The following ASMTL variants were observed in gnomAD, a reference collection of about 807,000 sequenced individuals.
The protein encoded by ASMTL is acetylserotonin O-methyltransferase like, also known as probable bifunctional dTTP/UTP pyrophosphatase/methyltransferase protein.
ASMTL carries 57 observed loss-of-function variants against 60.3 expected under a neutral mutation model. The observed-to-expected ratio is 0.95, with a 90% CI of 0.76 to 1.18. The LOEUF (loss-of-function observed/expected upper bound fraction) is 1.18, where lower values mean the gene tolerates loss of function less well. Ranked by LOEUF, ASMTL falls within the 50% of genes most tolerant of loss-of-function variation. The pLI is 0.00. For missense variants in ASMTL, 981 were observed against 852.6 expected (o/e 1.15, Z -1.88); for synonymous variants, 419 against 373.0 (o/e 1.12, Z -1.42).
At chrX:1,436,836 A>G (rs765998524) in intron 3 of ASMTL, among the ~76,000 whole-genome samples, 2 of 152,342 alleles carry the variant, frequency 1.3e-5, no homozygotes, top group South Asian at 4.1e-4. Flanking sequence ...CCTTTTGGGT[A>G]CATACAAGAG....
At chrX:1,412,884 G>A (rs368041573) in intron 11 of ASMTL, 30 bp from the exon 12 acceptor site, 137 of 1,613,098 alleles carry the variant, frequency 8.5e-5, no homozygotes, top group Admixed American at 2.7e-4. Context: ...AGATACGTCC[G>A]TCAGGTATGG....
intron 11 of ASMTL, among the ~76,000 whole-genome samples, chrX:1,416,056 C>T: frequency 6.6e-6 from 1 of 150,790 alleles, no homozygotes; most frequent in Admixed American, 6.6e-5. Context: ...CACACGCGCA[C>T]AGAGACAGAC....
At position 1,427,923 on chromosome X, in the gene ASMTL, T is replaced by C. The variant is rs775645465; in HGVS notation, c.708A>G (p.Glu236=). Residue 236 remains glutamate, a synonymous_variant, in exon 7 of 13, where the codon GAA becomes GAG. Coordinates refer to ENST00000381317, the MANE Select transcript of ASMTL (RefSeq NM_004192.4). ...CGCCCCCCTCCACGTCACTGAGGTCTTCGAAGGTGTCCGCGGCCGGGATGG... is the reference window on the plus strand; with the variant it reads ...CGCCCCCCTCCACGTCACTGAGGTCCTCGAAGGTGTCCGCGGCCGGGATGG... The part of the protein sequence containing the change: ...HDSIPAADTF[E]DLSDVEGGGS... The C allele has an allele frequency of 2.2e-5, 36 of 1,613,276 alleles. No individual in the cohort carries two copies. The Admixed American group carries it at 3.3e-4, about 15-fold the overall frequency.
chrX:1,437,232 T>C (rs767237891), intron 3 of ASMTL, among the ~76,000 whole-genome samples: 4 of 152,134 alleles, frequency 2.6e-5, no homozygotes, highest in Admixed American at 6.6e-5. Flanking sequence ...CTCCTAGGCT[T>C]GTAGACGCCG....
In ASMTL at chrX:1,403,371, G is replaced by A. The variant is rs766466028; in HGVS notation, c.1764C>T (p.Gly588=). 2.0e-5 allele frequency: 33 copies of A among 1,613,294 alleles called. No homozygotes were observed. In the East Asian group the frequency reaches 2.4e-4, roughly 12 times the overall value. The change falls in exon 13 of 13, where the codon GGC becomes GGT. Residue 588 remains glycine (G), a synonymous_variant. Coordinates refer to ENST00000381317, the MANE Select transcript of ASMTL (RefSeq NM_004192.4). ...VQTEGKERSL[G]EYQCLLELHG... ...GCAGCTCCAGCAAGCACTGATACTC[G>A]CCCAGGCTCCGCTCCTTGCCTTCAG...
intron 9 of ASMTL, among the ~76,000 whole-genome samples, chrX:1,419,327 T>G (rs1352474541): frequency 3.3e-5 from 5 of 152,088 alleles, no homozygotes; most frequent in East Asian, 1.9e-4. Flanking sequence ...CCCAAAGTGG[T>G]GGACGATCTC....
intron 1 of ASMTL, among the ~76,000 whole-genome samples, chrX:1,443,406 C>T (rs1247717450): frequency 2.6e-5 from 3 of 113,528 alleles, no homozygotes; most frequent in Admixed American, 8.8e-5. Flanking sequence ...CTTGGACACA[C>T]GCCGCCATCT....
chrX:1,428,164 A>T (rs750266285), intron 6 of ASMTL, 43 bp from the exon 7 acceptor site: 3 of 1,562,964 alleles, frequency 1.9e-6, no homozygotes. Context: ...GGAGGAGAAA[A>T]GTTCCTGGGT....
In ASMTL at chrX:1,435,729, C is replaced by T. The variant is rs375106432; in HGVS notation, c.303G>A (p.Pro101=). ...VTVGGLILEK[P]VDKQDAYRML... ...TCCTGTAGGCGTCCTGCTTGTCCAC[C>T]GGCTTCTCCAGAATCAGCCCCCCGA... Residue 101 remains proline (P), a synonymous_variant, in exon 4 of 13, where the codon CCG becomes CCA. Coordinates refer to ENST00000381317, the MANE Select transcript of ASMTL (RefSeq NM_004192.4). The T allele has an allele frequency of 3.7e-6, 6 of 1,613,592 alleles. No individual in the cohort carries two copies. Among genetic ancestry groups the T allele is most frequent in the Non-Finnish European group, 5.1e-6 (6 of 1,179,784 alleles).
chrX:1,433,430 C>A (rs1713611182), intron 5 of ASMTL, among the ~76,000 whole-genome samples: 1 of 148,984 alleles, frequency 6.7e-6, no homozygotes, highest in South Asian at 2.1e-4. Flanking sequence ...CTTTGGGAGG[C>A]CGAGGCGGGC....
chrX:1,411,196 G>A (rs866123946), intron 12 of ASMTL, among the ~76,000 whole-genome samples: 7 of 143,896 alleles, frequency 4.9e-5, no homozygotes, highest in African/African-American at 1.8e-4. Context: ...AAAAAAAAAA[G>A]AAGAGAGATA....
rs185831920 is a variant in ASMTL at position 1,413,027 on chromosome X, T to C, written c.1523-173A>G. On this transcript the variant is annotated intron_variant, in intron 11 of 12. Coordinates refer to ENST00000381317, the MANE Select transcript of ASMTL (RefSeq NM_004192.4). The stretch of plus-strand genomic sequence containing the variant: ...CCGTGGGGACTTGAACAGAGCTCCA[T>C]GAGGAGCTGGTTAGTGATGTCACGC... 1.0e-5 allele frequency: 7 copies of C among 701,212 alleles called. No individual in the cohort carries two copies. In the Admixed American group the frequency reaches 1.8e-4, roughly 18 times the overall value. 43.4% of individuals were successfully genotyped at this position (701,212 alleles called of 1,614,324 possible).
At chrX:1,414,658 A>T (rs2090166031) in intron 11 of ASMTL, among the ~76,000 whole-genome samples, 2 of 152,102 alleles carry the variant, frequency 1.3e-5, no homozygotes, top group African/African-American at 4.8e-5. Context: ...CAGTGAGCTA[A>T]GATCACGCCA....
chrX:1,429,389 G>A (rs1443766588), intron 6 of ASMTL, among the ~76,000 whole-genome samples: 1 of 151,686 alleles, frequency 6.6e-6, no homozygotes, highest in African/African-American at 2.4e-5. Flanking sequence ...ATAAAGATGG[G>A]GTTTCACTCT....
Position 1,418,047 on chromosome X carries a change from A to T in ASMTL, c.1448T>A (p.Leu483His). ...GGCGGCCAGCTCGATAATGTCTGGGAGGTCAAACACAGTCACCTGCATACG... is the reference window on the plus strand; with the variant it reads ...GGCGGCCAGCTCGATAATGTCTGGGTGGTCAAACACAGTCACCTGCATACG... ...YPRMQVTVFD[L>H]PDIIELAAHF... is the part of the protein sequence containing the mutation. The change falls in exon 11 of 13, where the codon CTC becomes CAC. Residue 483 changes from leucine (L) to histidine (H), a missense_variant. Physicochemically the swap from Leu to His is moderately conservative, Grantham distance 99. Coordinates refer to ENST00000381317, the MANE Select transcript of ASMTL (RefSeq NM_004192.4). The T allele has an allele frequency of 1.2e-6, 2 of 1,613,538 alleles. No individual in the cohort carries two copies. Among genetic ancestry groups the T allele is most frequent in the Non-Finnish European group, 1.7e-6 (2 of 1,179,650 alleles).
Position 1,438,198 on chromosome X carries a change from G to A in ASMTL, c.273+899C>T, listed in dbSNP as rs1342248300. 5.4e-5 allele frequency among the ~76,000 whole-genome samples: 8 copies of A among 148,908 alleles called. No individual in the cohort carries two copies. In the East Asian group the frequency reaches 1.0e-3, roughly 19 times the overall value. On this transcript the variant is annotated intron_variant, in intron 3 of 12. Transcript: ENST00000381317. ...CAGCTACTCAGGAGGCAGGAGAATCGCTTGAACCCGGGAGGCGGAGGTCCC... is the reference window on the plus strand; with the variant it reads ...CAGCTACTCAGGAGGCAGGAGAATCACTTGAACCCGGGAGGCGGAGGTCCC...
At chrX:1,427,405 C>A (rs1401587404) in intron 7 of ASMTL, among the ~76,000 whole-genome samples, 1 of 151,510 alleles carries the variant, frequency 6.6e-6, no homozygotes, top group Non-Finnish European at 1.5e-5. Context: ...AAGAGGAAAT[C>A]ATCACGAAGA....
chrX:1,419,229 G>T, intron 9 of ASMTL, 115 bp from the exon 10 acceptor site: 1 of 1,227,068 alleles, frequency 8.1e-7, no homozygotes, highest in Non-Finnish European at 1.1e-6. Flanking sequence ...GGGCTCAGCC[G>T]CGCCTGGGCT....
At chrX:1,434,486 T>A (rs1290655250) in intron 5 of ASMTL, among the ~76,000 whole-genome samples, 55 of 115,340 alleles carry the variant, frequency 4.8e-4, no homozygotes, top group Non-Finnish European at 8.3e-4. Context: ...GGAGACCCTG[T>A]CTCAAAAAAA....
Sources: gnomAD v4.1 joint callset for allele counts (sites outside exome capture counted in the v4.1 genomes callset) on GRCh38, gnomAD v4.1.1 for gene constraint, MANE v1.5 for transcripts, NCBI Gene and HGNC (gene_info 2026-07-23, HGNC 2026-07-21) for gene names.